MIDEAS: variants seen among roughly 807,000 people sequenced by gnomAD.
MIDEAS encodes mitotic deacetylase associated SANT domain protein.
MIDEAS carries 26 observed loss-of-function variants against 102.7 expected under a neutral mutation model. The ratio of observed to expected loss-of-function variants is 0.25; its 90% CI spans 0.19 to 0.35. The LOEUF is 0.35. Ranked by LOEUF, MIDEAS falls within the 10% of genes least tolerant of loss-of-function variation. The pLI, the probability that MIDEAS is intolerant of heterozygous loss-of-function variation, is 1.00. For missense variants in MIDEAS, 1,231 were observed against 1,435.6 expected (o/e 0.86, Z 2.30); for synonymous variants, 585 against 591.0 (o/e 0.99, Z 0.15).
At chr14:73,780,456 G>A (rs2053744972) in intron 1 of MIDEAS, among the ~76,000 whole-genome samples, 1 of 152,246 alleles carries the variant, frequency 6.6e-6, no homozygotes, top group Non-Finnish European at 1.5e-5. Context: ...TCCCCGTCAT[G>A]GTTTATAAGG....
At chr14:73,727,410 C>A (rs1455557821) in intron 5 of MIDEAS, 48 bp downstream of exon 5, 3 of 1,583,942 alleles carry the variant, frequency 1.9e-6, no homozygotes, top group Non-Finnish European at 1.7e-6. Flanking sequence ...ACACACTGCA[C>A]CAGTGTGGCC....
In MIDEAS at chr14:73,739,532, ATAG is replaced by A. The variant is rs2053255414; in HGVS notation, c.474_476del (p.Tyr159del). On this transcript the variant is annotated inframe_deletion, in exon 2 of 13. Coordinates refer to ENST00000423556, the MANE Select transcript of MIDEAS (RefSeq NM_001367710.1). ...CCCGCTTCAGTGCCTCAGGGTGGTT[ATAG>A]TAAGTCGGGACTCCCACTCCAGGAT... 1 of 1,613,992 alleles carries A rather than the reference ATAG, an allele frequency of 6.2e-7. No individual in the cohort carries two copies.
rs187064806 is a variant in MIDEAS, at chr14:73,774,914, A to G, written c.-248+12188T>C. Among the ~76,000 whole-genome samples, 64 of 152,142 alleles carry G rather than the reference A, an allele frequency of 4.2e-4. 1 individual carries two copies. In the East Asian group the frequency reaches 0.012, roughly 29 times the overall value. ...TGTCACAGAGCACCTACTGTGTGCCAGCCACAGATCCAAGGTGGTGGGGAG... is the reference window on the plus strand; with the variant it reads ...TGTCACAGAGCACCTACTGTGTGCCGGCCACAGATCCAAGGTGGTGGGGAG... On this transcript the variant is annotated intron_variant, in intron 1 of 11. Transcript: ENST00000394071.
rs1273163807 is a variant in MIDEAS at position 73,718,969 on chromosome 14, C to T, written c.3174G>A (p.Lys1058=). 8 of 1,518,112 alleles carry T rather than the reference C, an allele frequency of 5.3e-6. No individual in the cohort carries two copies. The highest frequency in any genetic ancestry group is 7.0e-6 in the Non-Finnish European group (8 of 1,140,542). The allele number at this position is 1,518,112 out of a possible 1,614,324, so 94.0% of individuals were successfully genotyped here. Residue 1058 remains lysine (K), a synonymous_variant, in exon 13 of 13, where the codon AAG becomes AAA. Coordinates refer to ENST00000423556, the MANE Select transcript of MIDEAS (RefSeq NM_001367710.1). ...YKVKSRSAHM[K]SHAEQEKKAA... ...CCTTCTTCTCCTGCTCTGCGTGGCT[C>T]TTCATATGCGCACTGCGGCTCTTCA...
chr14:73,768,706 G>A (rs62006085), intron 1 of MIDEAS, among the ~76,000 whole-genome samples: 3,737 of 152,046 alleles, frequency 0.025, 49 homozygotes, highest in African/African-American at 0.035. Flanking sequence ...GGCTGGTCTC[G>A]AACTCCTGAC....
At chr14:73,775,335 G>C (rs569033371) in intron 1 of MIDEAS, among the ~76,000 whole-genome samples, 12 of 152,010 alleles carry the variant, frequency 7.9e-5, no homozygotes, top group Non-Finnish European at 1.6e-4. Context: ...GGGGTGATAT[G>C]ACCAAAGCTG....
intron 10 of MIDEAS, among the ~76,000 whole-genome samples, chr14:73,721,966 A>G (rs943097649): frequency 6.6e-6 from 1 of 152,218 alleles, no homozygotes; most frequent in African/African-American, 2.4e-5. Context: ...CAATCCCAAA[A>G]ATGATGCTAG....
At position 73,742,880 on chromosome 14, in the gene MIDEAS, C is replaced by T. The variant is rs2053300887; in HGVS notation, c.-247-2625G>A. ...CCTAGGCAGCAGGGCACTAAGTAGT[C>T]ATAGGAGTAATGATGATGGTGATGG... On this transcript the variant is annotated intron_variant, in intron 1 of 12. Coordinates refer to ENST00000423556, the MANE Select transcript of MIDEAS (RefSeq NM_001367710.1). The surrounding 1 kb of genome is among the most constrained non-coding windows in gnomAD (Gnocchi z 4.4). Among the ~76,000 whole-genome samples the T allele has an allele frequency of 6.6e-6, 1 of 152,088 alleles. No homozygotes were observed. The highest frequency in any genetic ancestry group is 2.4e-5 in the African/African-American group (1 of 41,414).
intron 1 of MIDEAS, among the ~76,000 whole-genome samples, chr14:73,781,355 T>G (rs2032803798): frequency 6.6e-6 from 1 of 152,212 alleles, no homozygotes; most frequent in South Asian, 2.1e-4. Flanking sequence ...AAAATGTTGA[T>G]TTATTAAACT....
Position 73,716,941 on chromosome 14 carries a change from C to G in MIDEAS, c.*1902G>C, listed in dbSNP as rs1194488081. 6.6e-6 allele frequency: 1 copy of G among 152,582 alleles called. No homozygotes were observed. Among genetic ancestry groups the G allele is most frequent in the East Asian group, 1.9e-4 (1 of 5,198 alleles). The allele number at this position is 152,582 out of a possible 1,614,324, so 9.5% of individuals were successfully genotyped here. A position where few individuals can be genotyped will look rare whatever the true frequency, so the allele number is the denominator to read the frequency against. ...TACCCCCCTGCTTCTACAGGGTATA[C>G]CAGATTTTTGCTGTCTTGGGACACT... On this transcript the variant is annotated 3_prime_UTR_variant, in exon 13 of 13. Transcript: ENST00000423556.
chr14:73,747,207 A>G (rs2053363345), intron 1 of MIDEAS, among the ~76,000 whole-genome samples: 1 of 152,118 alleles, frequency 6.6e-6, no homozygotes. Flanking sequence ...CTGTTCCTGC[A>G]CAGAGCCTGG....
At chr14:73,761,503 C>T (rs960517603), upstream of MIDEAS, among the ~76,000 whole-genome samples, 1 of 152,202 alleles carries the variant, frequency 6.6e-6, no homozygotes, top group Non-Finnish European at 1.5e-5. Context: ...TTATTTGCAC[C>T]ATGTTATGAT....
intron 1 of MIDEAS, among the ~76,000 whole-genome samples, chr14:73,741,518 C>T (rs1248062686): frequency 6.6e-6 from 1 of 152,156 alleles, no homozygotes; most frequent in East Asian, 1.9e-4. Flanking sequence ...TTAGCAACCC[C>T]AGCCGCTCCC....
At chr14:73,768,900 G>C (rs2053615942) in intron 1 of MIDEAS, among the ~76,000 whole-genome samples, 1 of 152,196 alleles carries the variant, frequency 6.6e-6, no homozygotes, top group Non-Finnish European at 1.5e-5. Context: ...AGCACTGCCA[G>C]GGAGGGTTGC....
chr14:73,772,604 A>G lies in MIDEAS; in HGVS notation c.-248+14498T>C, dbSNP rs574256808. Among the ~76,000 whole-genome samples the G allele has an allele frequency of 2.0e-5, 3 of 151,722 alleles. No individual in the cohort carries two copies. In the South Asian group the frequency reaches 6.2e-4, roughly 32 times the overall value. On this transcript the variant is annotated intron_variant, in intron 1 of 11. Coordinates refer to the MIDEAS transcript ENST00000394071. ...TTGGTTTTGTTTTTTTTTCTTTTCT[A>G]TTTTAAGCAATGTTGCTATAAATAT...
At chr14:73,774,528 T>C (rs1468381640) in intron 1 of MIDEAS, among the ~76,000 whole-genome samples, 1 of 151,850 alleles carries the variant, frequency 6.6e-6, no homozygotes, top group South Asian at 2.1e-4. Context: ...TGGCAGCTGG[T>C]ATTAATATTT....
intron 3 of MIDEAS, among the ~76,000 whole-genome samples, chr14:73,731,658 GAAGA>G (rs1195545320): frequency 2.6e-5 from 4 of 152,182 alleles, no homozygotes; most frequent in African/African-American, 7.2e-5. Context: ...TAATGTTGGA[GAAGA>G]AAGAGTCCTG....
intron 4 of MIDEAS, chr14:73,728,382 T>C (rs1052251621): frequency 6.6e-6 from 1 of 152,358 alleles, no homozygotes; most frequent in Non-Finnish European, 1.5e-5. Flanking sequence ...ACCACCCATG[T>C]GCCTGGACCT....
chr14:73,726,624 C>T lies in MIDEAS; in HGVS notation c.2389G>A (p.Glu797Lys). ...NQELALHCLH[E>K]SRGDILETLN... ...CTCACCAGGATGTCTCCTCTGGATTCGTGCAGACAGTGCAGGGCCAGCTCC... is the reference window on the plus strand; with the variant it reads ...CTCACCAGGATGTCTCCTCTGGATTTGTGCAGACAGTGCAGGGCCAGCTCC... Residue 797 changes from glutamate (E) to lysine (K), a missense_variant, in exon 7 of 13, where the codon GAA (glutamate) becomes AAA (lysine). Glu to Lys is a moderately conservative substitution (Grantham distance 56, BLOSUM62 1). Around this residue, in one of 5 missense-constraint regions of MIDEAS, gnomAD observed 391 missense variants for 483.0 expected, o/e 0.81. Transcript: ENST00000423556. 6.2e-7 allele frequency: 1 copy of T among 1,614,170 alleles called. No homozygotes were observed. The highest frequency in any genetic ancestry group is 8.5e-7 in the Non-Finnish European group (1 of 1,180,018).
Sources: allele counts gnomAD v4.1 joint callset (sites outside exome capture counted in the v4.1 genomes callset), GRCh38; gene constraint gnomAD v4.1.1; regional missense constraint gnomAD v4.1.1; non-coding constraint Gnocchi (gnomAD v3.1); transcripts MANE v1.5; gene names NCBI Gene and HGNC (gene_info 2026-07-23, HGNC 2026-07-21).